Variants in SH3GL2 observed in about 807,000 individuals in gnomAD.
SH3GL2 encodes the protein endophilin-A1.
A neutral mutation model predicts 46.0 loss-of-function variants in SH3GL2; 24 were observed. That is an observed-to-expected ratio of 0.52 (90% CI 0.38 to 0.73). SH3GL2 has a LOEUF of 0.73. Among genes scored for constraint, SH3GL2 ranks in the 30% least tolerant of loss-of-function variants. SH3GL2 has a pLI of 0.00. For synonymous variants in SH3GL2, 196 were observed against 147.1 expected (o/e 1.33, Z -2.40); for missense variants, 413 against 424.2 (o/e 0.97, Z 0.23).
At chr9:17,727,017 G>A (rs10756906) in intron 1 of SH3GL2, among the ~76,000 whole-genome samples, 29,300 of 152,100 alleles carry the variant, frequency 0.19, 3,425 homozygotes, top group East Asian at 0.38. Flanking sequence ...AGAGATGCTT[G>A]TTGCTGCACT....
chr9:17,602,044 C>T (rs1228302417), intron 1 of SH3GL2, among the ~76,000 whole-genome samples: 1 of 152,192 alleles, frequency 6.6e-6, no homozygotes, highest in Non-Finnish European at 1.5e-5. Context: ...CTTAACTCTT[C>T]CTTCCCGACT....
intron 1 of SH3GL2, among the ~76,000 whole-genome samples, chr9:17,687,067 A>G (rs1056813835): frequency 1.3e-5 from 2 of 152,094 alleles, no homozygotes; most frequent in African/African-American, 4.8e-5. Context: ...CAGACTGAAG[A>G]TGCACATTAA....
At chr9:17,684,618 G>C (rs1310922498) in intron 1 of SH3GL2, among the ~76,000 whole-genome samples, 4 of 151,972 alleles carry the variant, frequency 2.6e-5, no homozygotes, top group African/African-American at 7.3e-5. Flanking sequence ...AATCCAATAA[G>C]CTCACTAAGC....
At chr9:17,656,424 T>A (rs1188992554) in intron 1 of SH3GL2, among the ~76,000 whole-genome samples, 1 of 152,100 alleles carries the variant, frequency 6.6e-6, no homozygotes, top group East Asian at 1.9e-4. Context: ...GAGAGTTCCA[T>A]AATTGAAAAA....
At position 17,610,896 on chromosome 9, in the gene SH3GL2, G is replaced by T. The variant is rs1194617843; in HGVS notation, c.45+31609G>T. Among the ~76,000 whole-genome samples, 3 of 152,242 alleles carry T rather than the reference G, an allele frequency of 2.0e-5. No individual in the cohort carries two copies. In the East Asian group the frequency reaches 5.8e-4, roughly 29 times the overall value. On this transcript the variant is annotated intron_variant, in intron 1 of 8. Coordinates refer to ENST00000380607, the MANE Select transcript of SH3GL2 (RefSeq NM_003026.5). Reference sequence around the variant, plus strand: ...TTATATTTAGTAATCTCGTTTTTAAGGTTGTAGGCTCTGTATGGTAAAATT... The same window carrying T: ...TTATATTTAGTAATCTCGTTTTTAATGTTGTAGGCTCTGTATGGTAAAATT...
intron 1 of SH3GL2, among the ~76,000 whole-genome samples, chr9:17,659,406 A>T (rs73645117): frequency 0.025 from 3,822 of 152,240 alleles, 67 homozygotes; most frequent in African/African-American, 0.033. Context: ...AGCCAGTGTC[A>T]TAGAATTGTC....
Position 17,587,594 on chromosome 9 carries a change from CTGGCCAAG to C in SH3GL2, c.45+8310_45+8317del, listed in dbSNP as rs1818403445. On this transcript the variant is annotated intron_variant, in intron 1 of 8. Transcript: ENST00000380607. ...ATTTCTTCATAAACTTAGTAGGCTT[CTGGCCAAG>C]TGCGGTAGCTCATGCCTGTAATCCC... 2.6e-5 allele frequency among the ~76,000 whole-genome samples: 4 copies of C among 152,208 alleles called. No individual in the cohort carries two copies. In the East Asian group the frequency reaches 7.8e-4, roughly 30 times the overall value.
chr9:17,785,316 A>G (rs947476734), intron 3 of SH3GL2, among the ~76,000 whole-genome samples: 1 of 152,188 alleles, frequency 6.6e-6, no homozygotes, highest in Non-Finnish European at 1.5e-5. Context: ...AGTTCATTAT[A>G]AACTTTGTGA....
intron 1 of SH3GL2, among the ~76,000 whole-genome samples, chr9:17,677,828 G>A (rs1006431572): frequency 6.7e-6 from 1 of 150,158 alleles, no homozygotes; most frequent in African/African-American, 2.5e-5. Flanking sequence ...CCCTTCCTGT[G>A]TCCAAGTGTT....
chr9:17,697,878 G>T (rs1306174750), intron 1 of SH3GL2, among the ~76,000 whole-genome samples: 2 of 152,128 alleles, frequency 1.3e-5, no homozygotes, highest in Admixed American at 6.5e-5. Flanking sequence ...TTGCTCTATT[G>T]TCATGATATT....
At chr9:17,656,702 G>A (rs549598973) in intron 1 of SH3GL2, among the ~76,000 whole-genome samples, 7 of 146,862 alleles carry the variant, frequency 4.8e-5, no homozygotes, top group African/African-American at 1.2e-4. Context: ...AAAAAGAGGC[G>A]GAGCTTGTAG....
At chr9:17,702,463 G>A (rs560275964) in intron 1 of SH3GL2, among the ~76,000 whole-genome samples, 21 of 151,934 alleles carry the variant, frequency 1.4e-4, no homozygotes, top group African/African-American at 5.1e-4. Context: ...ACACCCATGA[G>A]CTGGGTCACG....
At chr9:17,745,283 G>A (rs1393442863) in intron 1 of SH3GL2, among the ~76,000 whole-genome samples, 1 of 152,154 alleles carries the variant, frequency 6.6e-6, no homozygotes, top group Admixed American at 6.5e-5. Context: ...AAAATTGCCA[G>A]CTTCTTCTTA....
intron 1 of SH3GL2, among the ~76,000 whole-genome samples, chr9:17,715,056 C>G (rs1436722073): frequency 6.6e-6 from 1 of 151,504 alleles, no homozygotes; most frequent in Non-Finnish European, 1.5e-5. Flanking sequence ...TATCAACAGT[C>G]TTTTTGTTTT....
intron 1 of SH3GL2, among the ~76,000 whole-genome samples, chr9:17,728,800 T>C (rs879054201): frequency 6.6e-6 from 1 of 152,182 alleles, no homozygotes; most frequent in East Asian, 1.9e-4. Context: ...GCAAAGGACA[T>C]GAACTCATTA....
chr9:17,619,414 A>T (rs1468062672), intron 1 of SH3GL2, among the ~76,000 whole-genome samples: 1 of 152,230 alleles, frequency 6.6e-6, no homozygotes, highest in African/African-American at 2.4e-5. Context: ...ATGGTGGCTC[A>T]CGCCTGTAAT....
At chr9:17,639,292 T>C (rs1176563013) in intron 1 of SH3GL2, among the ~76,000 whole-genome samples, 2 of 152,176 alleles carry the variant, frequency 1.3e-5, no homozygotes, top group Non-Finnish European at 2.9e-5. Flanking sequence ...GGAGAAAATA[T>C]TGTAAAGCAA....
At chr9:17,769,944 T>G (rs905091806) in intron 3 of SH3GL2, among the ~76,000 whole-genome samples, 2 of 152,290 alleles carry the variant, frequency 1.3e-5, no homozygotes, top group East Asian at 3.9e-4. Context: ...TTTTACTCCT[T>G]TATATATACC....
intron 1 of SH3GL2, among the ~76,000 whole-genome samples, chr9:17,702,581 G>A (rs914435569): frequency 6.6e-6 from 1 of 152,010 alleles, no homozygotes; most frequent in Admixed American, 6.6e-5. Context: ...TCTTTATTTT[G>A]AAGGTAATCC....
Sources: gnomAD v4.1 joint callset for allele counts (sites outside exome capture counted in the v4.1 genomes callset) on GRCh38, gnomAD v4.1.1 for gene constraint, MANE v1.5 for transcripts, NCBI Gene and HGNC (gene_info 2026-07-23, HGNC 2026-07-21) for gene names.